The following FGF14 variants were observed in gnomAD, a reference collection of about 807,000 sequenced individuals.
The protein encoded by FGF14 is fibroblast growth factor 14, also known as fibroblast growth factor homologous factor 4.
FGF14 carries 5 observed loss-of-function variants against 25.5 expected under a neutral mutation model. The observed-to-expected ratio is 0.20, with a 90% CI of 0.10 to 0.41. The LOEUF (loss-of-function observed/expected upper bound fraction) is 0.41, where lower values mean the gene tolerates loss of function less well. Among genes scored for constraint, FGF14 ranks in the 10% least tolerant of loss-of-function variants. The pLI, the probability that FGF14 is intolerant of heterozygous loss-of-function variation, is 1.00. For missense variants in FGF14, 222 were observed against 320.1 expected, an observed-to-expected ratio of 0.69 and a Z score of 2.34; for synonymous variants, 138 against 118.3, an observed-to-expected ratio of 1.17 and a Z score of -1.08.
intron 1 of FGF14, among the ~76,000 whole-genome samples, chr13:102,359,834 A>T (rs2139030928): frequency 6.6e-6 from 1 of 151,038 alleles, no homozygotes; most frequent in African/African-American, 2.4e-5. Flanking sequence ...AGAGAAATAA[A>T]CCAAAATCAA....
chr13:101,873,327 C>T (rs928014558), intron 2 of FGF14, among the ~76,000 whole-genome samples: 5 of 151,986 alleles, frequency 3.3e-5, no homozygotes, highest in African/African-American at 1.2e-4. Context: ...CACATAAAAC[C>T]TTTGTTTGAG....
At chr13:102,268,101 G>C (rs1393608158) in intron 1 of FGF14, among the ~76,000 whole-genome samples, 1 of 152,084 alleles carries the variant, frequency 6.6e-6, no homozygotes. Context: ...ATTCTGAATA[G>C]AAAAGCTGCC....
chr13:102,081,816 T>C (rs1006999537), intron 1 of FGF14, among the ~76,000 whole-genome samples: 1 of 152,332 alleles, frequency 6.6e-6, no homozygotes, highest in East Asian at 1.9e-4. Context: ...TATGCAGACG[T>C]CTATATTAAT....
intron 3 of FGF14, among the ~76,000 whole-genome samples, chr13:101,750,052 T>G (rs913479559): frequency 6.6e-6 from 1 of 152,070 alleles, no homozygotes; most frequent in African/African-American, 2.4e-5. Context: ...GAGAAAACAC[T>G]GTCCCCAAAC....
At chr13:102,029,613 T>A (rs1471564083) in intron 1 of FGF14, among the ~76,000 whole-genome samples, 1 of 152,112 alleles carries the variant, frequency 6.6e-6, no homozygotes, top group African/African-American at 2.4e-5. Context: ...TTTGAAGAAC[T>A]TAGCCCAAAG....
At chr13:101,982,754 A>G (rs952119589) in intron 1 of FGF14, among the ~76,000 whole-genome samples, 1 of 152,178 alleles carries the variant, frequency 6.6e-6, no homozygotes, top group African/African-American at 2.4e-5. Context: ...AGAAAGAAAA[A>G]CCAAACAAAA....
At chr13:102,123,815 T>C (rs1465500004) in intron 1 of FGF14, among the ~76,000 whole-genome samples, 1 of 152,150 alleles carries the variant, frequency 6.6e-6, no homozygotes, top group Non-Finnish European at 1.5e-5. Context: ...CTCCATAGAA[T>C]AAGTGTGAAA....
chr13:102,215,693 A>G (rs544671676), intron 1 of FGF14, among the ~76,000 whole-genome samples: 1 of 152,320 alleles, frequency 6.6e-6, no homozygotes, highest in East Asian at 1.9e-4. Flanking sequence ...TGTTTAGGCT[A>G]TTTATATAAT....
intron 1 of FGF14, among the ~76,000 whole-genome samples, chr13:102,020,557 A>AAGAG (rs1491105830): frequency 1.4e-4 from 20 of 142,218 alleles, no homozygotes; most frequent in Non-Finnish European, 2.8e-4. Flanking sequence ...GAAACAAAGA[A>AAGAG]AGAGAGAGAG....
chr13:102,398,673 C>G (rs1032915836), intron 1 of FGF14, among the ~76,000 whole-genome samples: 1 of 151,954 alleles, frequency 6.6e-6, no homozygotes, highest in Admixed American at 6.6e-5. Flanking sequence ...ACCCAATTAA[C>G]TTTTTAGTTC....
chr13:102,217,307 A>C (rs577169617), intron 1 of FGF14, among the ~76,000 whole-genome samples: 1 of 152,352 alleles, frequency 6.6e-6, no homozygotes, highest in Admixed American at 6.5e-5. Context: ...GTAAAAAAAT[A>C]AACTACATGC....
At position 102,374,159 on chromosome 13, in the gene FGF14, C is replaced by T. The variant is rs1490615592; in HGVS notation, c.208+27312G>A. ...TCTTTGGATATACAAATTAGGAATA[C>T]ATCGTTACAGTCATTCTTTCTAGAT... On this transcript the variant is annotated intron_variant, in intron 1 of 4. Coordinates refer to the FGF14 transcript ENST00000376131. Among the ~76,000 whole-genome samples the T allele has an allele frequency of 9.9e-5, 15 of 152,194 alleles. No individual in the cohort carries two copies. In the East Asian group the frequency reaches 2.9e-3, roughly 29 times the overall value.
At chr13:102,347,289 C>T (rs370205129) in intron 1 of FGF14, among the ~76,000 whole-genome samples, 2 of 152,124 alleles carry the variant, frequency 1.3e-5, no homozygotes, top group African/African-American at 4.8e-5. Flanking sequence ...CCTCAGAGAA[C>T]TCATGGGTGA....
chr13:102,360,266 G>A (rs1428856102), intron 1 of FGF14, among the ~76,000 whole-genome samples: 1 of 152,138 alleles, frequency 6.6e-6, no homozygotes, highest in Admixed American at 6.6e-5. Flanking sequence ...CTATGGCATA[G>A]CATACAATTT....
At chr13:101,854,924 A>C (rs192940990) in intron 3 of FGF14, among the ~76,000 whole-genome samples, 1 of 152,168 alleles carries the variant, frequency 6.6e-6, no homozygotes, top group East Asian at 1.9e-4. Flanking sequence ...AAATCCCTTA[A>C]CTATAACAAA....
intron 1 of FGF14, among the ~76,000 whole-genome samples, chr13:102,192,806 A>C (rs528444263): frequency 6.6e-5 from 10 of 152,134 alleles, no homozygotes; most frequent in African/African-American, 1.9e-4. Context: ...TCATCTGGGA[A>C]CTCAACAGAA....
intron 1 of FGF14, among the ~76,000 whole-genome samples, chr13:101,902,724 G>A (rs1363935444): frequency 6.6e-6 from 1 of 152,196 alleles, no homozygotes; most frequent in African/African-American, 2.4e-5. Flanking sequence ...ACTATTTACT[G>A]AGAGTTTTAT....
At chr13:102,102,840 A>G (rs1384270047) in intron 1 of FGF14, among the ~76,000 whole-genome samples, 1 of 152,166 alleles carries the variant, frequency 6.6e-6, no homozygotes, top group African/African-American at 2.4e-5. Flanking sequence ...ATTCAAGTAA[A>G]GGACTCTGTC....
intron 1 of FGF14, among the ~76,000 whole-genome samples, chr13:101,990,376 T>C (rs2038830754): frequency 6.6e-6 from 1 of 152,186 alleles, no homozygotes; most frequent in Non-Finnish European, 1.5e-5. Flanking sequence ...CATACGCCTA[T>C]ATAGTTAAGA....
Sources: allele counts gnomAD v4.1 joint callset (sites outside exome capture counted in the v4.1 genomes callset), GRCh38; gene constraint gnomAD v4.1.1; transcripts MANE v1.5; gene names NCBI Gene and HGNC (gene_info 2026-07-23, HGNC 2026-07-21).